Variants in EGLN1 observed in about 807,000 individuals in gnomAD.
The protein encoded by EGLN1 is egl-9 family hypoxia inducible factor 1.
Under a neutral mutation model 38.3 loss-of-function variants are expected in EGLN1, and 17 were observed. That is an observed-to-expected ratio of 0.44 (90% CI 0.30 to 0.67). EGLN1 has a LOEUF of 0.67. Among genes scored for constraint, EGLN1 ranks in the 30% least tolerant of loss-of-function variants. The pLI is 0.08. For missense variants in EGLN1, 477 were observed against 603.3 expected (o/e 0.79, Z 2.19); for synonymous variants, 283 against 257.5 (o/e 1.10, Z -0.95).
At chr1:231,412,429 T>C (rs1346942995) in intron 1 of EGLN1, among the ~76,000 whole-genome samples, 4 of 152,260 alleles carry the variant, frequency 2.6e-5, no homozygotes, top group African/African-American at 9.6e-5. Context: ...TTCCCTTATG[T>C]TGAACCATTC....
chr1:231,415,314 A>G (rs1299768049), intron 1 of EGLN1, among the ~76,000 whole-genome samples: 1 of 151,758 alleles, frequency 6.6e-6, no homozygotes, highest in Non-Finnish European at 1.5e-5. Flanking sequence ...AAATTAGTTA[A>G]GTAGAAATAT....
rs1558375806 is a variant in EGLN1, at chr1:231,366,299, T to C, written c.*112A>G. 4.8e-6 allele frequency: 6 copies of C among 1,241,576 alleles called. No individual in the cohort carries two copies. The highest frequency in any genetic ancestry group is 7.0e-6 in the Non-Finnish European group (6 of 857,138). 76.9% of individuals were successfully genotyped at this position (1,241,576 alleles called of 1,614,324 possible). On this transcript the variant is annotated 3_prime_UTR_variant, in exon 5 of 5. Coordinates refer to ENST00000366641, the MANE Select transcript of EGLN1 (RefSeq NM_022051.3). Reference sequence around the variant, plus strand: ...ACAAAAAGTTGTTTCTGTTTCCTTATTAAAATGCGAACTGGTTGTCTATTT... The same window carrying C: ...ACAAAAAGTTGTTTCTGTTTCCTTACTAAAATGCGAACTGGTTGTCTATTT...
At chr1:231,404,288 T>C (rs1688733299) in intron 1 of EGLN1, among the ~76,000 whole-genome samples, 1 of 152,174 alleles carries the variant, frequency 6.6e-6, no homozygotes, top group Non-Finnish European at 1.5e-5. Context: ...TATTTTATAA[T>C]GGCCACTTAA....
In EGLN1 at chr1:231,364,442, G is replaced by C. The variant is rs1027293304; in HGVS notation, c.*1969C>G. On this transcript the variant is annotated 3_prime_UTR_variant, in exon 5 of 5. Transcript: ENST00000366641. ...GGCTGGCAGAGGCACTTACTGTAGA[G>C]ATGTGATGTTATCATCTGGAAGGAA... 6.6e-6 allele frequency: 1 copy of C among 152,252 alleles called. No homozygotes were observed. Among genetic ancestry groups the C allele is most frequent in the South Asian group, 2.1e-4 (1 of 4,834 alleles). The allele number at this position is 152,252 out of a possible 1,614,324, so 9.4% of individuals were successfully genotyped here. A position where few individuals can be genotyped will look rare whatever the true frequency, so the allele number is the denominator to read the frequency against.
intron 1 of EGLN1, chr1:231,420,044 A>C (rs1656519754): frequency 6.6e-6 from 1 of 152,230 alleles, no homozygotes; most frequent in Non-Finnish European, 1.5e-5. Context: ...AAAGAGCTGC[A>C]AGAGAGTTGG....
At chr1:231,399,648 T>C (rs1319221484) in intron 1 of EGLN1, among the ~76,000 whole-genome samples, 1 of 151,942 alleles carries the variant, frequency 6.6e-6, no homozygotes, top group Non-Finnish European at 1.5e-5. Context: ...TTACATATAT[T>C]AGCTCATTTA....
intron 1 of EGLN1, among the ~76,000 whole-genome samples, chr1:231,388,655 TG>T (rs1688289845): frequency 6.6e-5 from 10 of 151,432 alleles, no homozygotes; most frequent in Admixed American, 5.3e-4. Context: ...GGTTTTTTGT[TG>T]TTGTTGTTGT....
intron 1 of EGLN1, among the ~76,000 whole-genome samples, chr1:231,380,478 T>C (rs902738916): frequency 7.4e-6 from 1 of 135,882 alleles, no homozygotes; most frequent in Non-Finnish European, 1.6e-5. Context: ...ATATATATTT[T>C]AAAAAGACAT....
chr1:231,384,385 C>A, intron 1 of EGLN1, among the ~76,000 whole-genome samples: 1 of 142,184 alleles, frequency 7.0e-6, no homozygotes. Context: ...TAAGAAATGG[C>A]AGAAGACAAG....
intron 1 of EGLN1, among the ~76,000 whole-genome samples, chr1:231,401,148 T>C (rs1027168684): frequency 2.0e-5 from 3 of 152,164 alleles, no homozygotes; most frequent in Admixed American, 6.5e-5. Context: ...AAAAGATGCA[T>C]AGAAACTTAA....
chr1:231,381,112 G>T (rs571509458), intron 1 of EGLN1, among the ~76,000 whole-genome samples: 16 of 152,150 alleles, frequency 1.1e-4, no homozygotes, highest in African/African-American at 3.9e-4. Flanking sequence ...TCACTACGTT[G>T]TTCAGGCTGG....
intron 2 of EGLN1, among the ~76,000 whole-genome samples, chr1:231,372,519 T>C (rs1687852961): frequency 6.6e-6 from 1 of 152,212 alleles, no homozygotes; most frequent in Admixed American, 6.5e-5. Flanking sequence ...TCTAGCTTTC[T>C]AGCTATTCAC....
chr1:231,368,671 T>C (rs939195453), intron 3 of EGLN1, among the ~76,000 whole-genome samples: 3 of 152,232 alleles, frequency 2.0e-5, no homozygotes, highest in Admixed American at 1.3e-4. Context: ...ATATTGTGGA[T>C]TGTGGCCAGT....
chr1:231,381,515 C>A lies in EGLN1; in HGVS notation c.892-7416G>T, dbSNP rs147306875. On this transcript the variant is annotated intron_variant, in intron 1 of 4. Transcript: ENST00000366641. ...TTATGAATTGTTTAATAATCTAACA[C>A]CAAACTACTTTCCTTATTAGGCTCT... is the stretch of plus-strand genomic sequence containing the variant. Among the ~76,000 whole-genome samples the A allele has an allele frequency of 2.7e-3, 405 of 152,150 alleles. 3 individuals are homozygous for A. The highest frequency in any genetic ancestry group is 9.4e-3 in the African/African-American group (389 of 41,504).
At chr1:231,416,603 C>T (rs547160667) in intron 1 of EGLN1, among the ~76,000 whole-genome samples, 4 of 151,900 alleles carry the variant, frequency 2.6e-5, no homozygotes, top group East Asian at 2.0e-4. Context: ...TGGGCTCAAG[C>T]GATCCTCCTG....
At chr1:231,401,502 A>G (rs1431813150) in intron 1 of EGLN1, among the ~76,000 whole-genome samples, 1 of 152,216 alleles carries the variant, frequency 6.6e-6, no homozygotes, top group Non-Finnish European at 1.5e-5. Flanking sequence ...TACATCTTTA[A>G]GAATATCTAA....
chr1:231,390,973 G>A (rs1688351391), intron 1 of EGLN1, among the ~76,000 whole-genome samples: 2 of 151,886 alleles, frequency 1.3e-5, no homozygotes, highest in Non-Finnish European at 1.5e-5. Context: ...CCAGTCTCCT[G>A]AGTAGCTGGG....
At chr1:231,391,530 G>A (rs1363570163) in intron 1 of EGLN1, among the ~76,000 whole-genome samples, 2 of 151,958 alleles carry the variant, frequency 1.3e-5, no homozygotes, top group Non-Finnish European at 2.9e-5. Context: ...AATTGGCACC[G>A]CAGAGCCCCA....
At chr1:231,383,149 A>T (rs1349191794) in intron 1 of EGLN1, among the ~76,000 whole-genome samples, 1 of 150,098 alleles carries the variant, frequency 6.7e-6, no homozygotes, top group Admixed American at 6.6e-5. Flanking sequence ...ATAAAACAGT[A>T]TTTTTGTGCT....
Sources: gnomAD v4.1 joint callset for allele counts (sites outside exome capture counted in the v4.1 genomes callset) on GRCh38, gnomAD v4.1.1 for gene constraint, MANE v1.5 for transcripts, NCBI Gene and HGNC (gene_info 2026-07-23, HGNC 2026-07-21) for gene names.